PLCXD3: variants seen among roughly 807,000 people sequenced by gnomAD.
The protein encoded by PLCXD3 is phosphatidylinositol specific phospholipase C X domain containing 3, also known as PI-PLC X domain-containing protein 3.
In PLCXD3, 19 loss-of-function variants were observed where a neutral mutation model predicts 25.5. The ratio of observed to expected loss-of-function variants is 0.75; its 90% CI spans 0.52 to 1.09. The LOEUF (loss-of-function observed/expected upper bound fraction) is 1.09. Ranked by LOEUF, PLCXD3 falls within the 50% of genes least tolerant of loss-of-function variation. The pLI is 0.00. For missense variants in PLCXD3, 411 were observed against 388.1 expected (o/e 1.06, Z -0.50); for synonymous variants, 174 against 137.6 (o/e 1.26, Z -1.85).
rs2150466054 is a variant in PLCXD3 at position 41,312,126 on chromosome 5, T to C, written c.*1491A>G. On this transcript the variant is annotated 3_prime_UTR_variant, in exon 3 of 3. Coordinates refer to ENST00000377801, the MANE Select transcript of PLCXD3 (RefSeq NM_001005473.3). ...TTTTATTTTTTAGAGTTGTCAAATATCACAATGACACGAAGGAGGAAGTAA... is the reference window on the plus strand; with the variant it reads ...TTTTATTTTTTAGAGTTGTCAAATACCACAATGACACGAAGGAGGAAGTAA... The C allele has an allele frequency of 6.6e-6, 1 of 152,486 alleles. No individual in the cohort carries two copies. Among genetic ancestry groups the C allele is most frequent in the Non-Finnish European group, 1.5e-5 (1 of 67,996 alleles). The allele number at this position is 152,486 out of a possible 1,614,324, so 9.4% of individuals were successfully genotyped here.
intron 2 of PLCXD3, among the ~76,000 whole-genome samples, chr5:41,361,160 T>C (rs578248221): frequency 6.6e-6 from 1 of 152,128 alleles, no homozygotes; most frequent in Admixed American, 6.5e-5. Flanking sequence ...TTCTGAGTCA[T>C]ACAGGTCACC....
intron 2 of PLCXD3, among the ~76,000 whole-genome samples, chr5:41,320,520 G>GC (rs1743435050): frequency 6.6e-6 from 1 of 152,088 alleles, no homozygotes; most frequent in Admixed American, 6.6e-5. Context: ...TTTTTGAGAC[G>GC]GAGTCTCGCT....
chr5:41,416,625 G>C (rs1165848949), intron 1 of PLCXD3, among the ~76,000 whole-genome samples: 1 of 152,208 alleles, frequency 6.6e-6, no homozygotes, highest in Non-Finnish European at 1.5e-5. Context: ...GCATATGGCA[G>C]GCTGGACACT....
At chr5:41,440,684 G>T (rs186816992) in intron 1 of PLCXD3, among the ~76,000 whole-genome samples, 1 of 152,068 alleles carries the variant, frequency 6.6e-6, no homozygotes, top group Non-Finnish European at 1.5e-5. Context: ...ATGGGTGTTA[G>T]CTATTATGAT....
chr5:41,316,513 G>A (rs57815183), intron 2 of PLCXD3, among the ~76,000 whole-genome samples: 18,556 of 152,134 alleles, frequency 0.12, 1,221 homozygotes, highest in Middle Eastern at 0.13. Context: ...TGCACCTTTG[G>A]TACCAACACT....
intron 2 of PLCXD3, among the ~76,000 whole-genome samples, chr5:41,350,748 T>C (rs1249971550): frequency 2.0e-5 from 3 of 152,224 alleles, no homozygotes; most frequent in African/African-American, 7.2e-5. Context: ...TGAAGTACAG[T>C]AATTATAAAC....
intron 1 of PLCXD3, among the ~76,000 whole-genome samples, chr5:41,477,072 G>A (rs953182806): frequency 6.6e-6 from 1 of 152,048 alleles, no homozygotes; most frequent in Non-Finnish European, 1.5e-5. Flanking sequence ...TTCTAGCCCT[G>A]TGATCCTGAA....
chr5:41,445,207 A>G (rs755367593), intron 1 of PLCXD3, among the ~76,000 whole-genome samples: 1 of 152,246 alleles, frequency 6.6e-6, no homozygotes, highest in Non-Finnish European at 1.5e-5. Context: ...AACTGAATTC[A>G]TAACAAGTCT....
At chr5:41,427,932 C>T (rs1275070430) in intron 1 of PLCXD3, among the ~76,000 whole-genome samples, 1 of 152,150 alleles carries the variant, frequency 6.6e-6, no homozygotes, top group Non-Finnish European at 1.5e-5. Flanking sequence ...GAAACAAACA[C>T]CTTGCATTTC....
At chr5:41,496,819 AAATCATTTTCAATTCAGGTAT>A (rs1748850940) in intron 1 of PLCXD3, among the ~76,000 whole-genome samples, 1 of 151,806 alleles carries the variant, frequency 6.6e-6, no homozygotes, top group Non-Finnish European at 1.5e-5. Context: ...AATGATATGT[AAATCATTTTCAATTCAGGTAT>A]AAGAGTTAAA....
chr5:41,384,532 G>T (rs62360566), intron 1 of PLCXD3, among the ~76,000 whole-genome samples: 5 of 151,752 alleles, frequency 3.3e-5, no homozygotes, highest in African/African-American at 1.2e-4. Context: ...AAAGTAATTG[G>T]TTACTTCTGT....
At chr5:41,425,864 T>C (rs1172525792) in intron 1 of PLCXD3, among the ~76,000 whole-genome samples, 6 of 152,242 alleles carry the variant, frequency 3.9e-5, no homozygotes, top group Non-Finnish European at 5.9e-5. Flanking sequence ...TACCACAGTT[T>C]ACTTTGTTGC....
At chr5:41,403,072 C>T (rs1309745064) in intron 1 of PLCXD3, among the ~76,000 whole-genome samples, 1 of 151,908 alleles carries the variant, frequency 6.6e-6, no homozygotes, top group African/African-American at 2.4e-5. Context: ...TCCTGTTTTT[C>T]TCTTTTTCTT....
intron 1 of PLCXD3, among the ~76,000 whole-genome samples, chr5:41,478,582 G>A (rs541516337): frequency 1.5e-4 from 23 of 152,176 alleles, no homozygotes; most frequent in Middle Eastern, 3.4e-3. Flanking sequence ...TTACTTAAAC[G>A]TTTCTCAAAG....
chr5:41,322,909 G>C, intron 2 of PLCXD3, among the ~76,000 whole-genome samples: 1 of 151,672 alleles, frequency 6.6e-6, no homozygotes, highest in Non-Finnish European at 1.5e-5. Context: ...AGGAGGAGGA[G>C]GTTGCAGTGA....
At chr5:41,332,497 G>T (rs988994656) in intron 2 of PLCXD3, among the ~76,000 whole-genome samples, 5 of 152,140 alleles carry the variant, frequency 3.3e-5, no homozygotes, top group Admixed American at 2.6e-4. Context: ...CTGTTGGTGG[G>T]ACTGTAAACT....
At chr5:41,399,449 A>G (rs1384852634) in intron 1 of PLCXD3, among the ~76,000 whole-genome samples, 2 of 152,180 alleles carry the variant, frequency 1.3e-5, no homozygotes, top group South Asian at 2.1e-4. Flanking sequence ...AAATTATACT[A>G]CAAAGCTACA....
At chr5:41,458,548 C>T (rs1747805744) in intron 1 of PLCXD3, among the ~76,000 whole-genome samples, 1 of 152,030 alleles carries the variant, frequency 6.6e-6, no homozygotes, top group South Asian at 2.1e-4. Context: ...ATTGAATTGT[C>T]ACCCTGTGCC....
At chr5:41,492,849 T>G (rs1336098942) in intron 1 of PLCXD3, among the ~76,000 whole-genome samples, 4 of 152,230 alleles carry the variant, frequency 2.6e-5, no homozygotes, top group African/African-American at 4.8e-5. Flanking sequence ...TTTCCAAAGT[T>G]TTCAACTTCT....
Sources: allele counts gnomAD v4.1 joint callset (sites outside exome capture counted in the v4.1 genomes callset), GRCh38; gene constraint gnomAD v4.1.1; transcripts MANE v1.5; gene names NCBI Gene and HGNC (gene_info 2026-07-23, HGNC 2026-07-21).